Variants in DCC observed in about 807,000 individuals in gnomAD.
DCC encodes DCC netrin 1 receptor.
DCC carries 58 observed loss-of-function variants against 172.5 expected under a neutral mutation model. The observed-to-expected ratio is 0.34, with a 90% CI of 0.27 to 0.42. DCC has a LOEUF of 0.42. Among genes scored for constraint, DCC ranks in the 10% least tolerant of loss-of-function variants. The pLI is 1.00. For missense variants in DCC, 1,740 were observed against 1,791.0 expected, an observed-to-expected ratio of 0.97 and a Z score of 0.51; for synonymous variants, 709 against 644.5, an observed-to-expected ratio of 1.10 and a Z score of -1.52.
intron 15 of DCC, 84 bp downstream of exon 15, chr18:53,339,991 C>A: frequency 7.9e-7 from 1 of 1,271,314 alleles, no homozygotes; most frequent in African/African-American, 1.5e-5. Flanking sequence ...AAACTGTTCC[C>A]TGGTATGATG....
At chr18:52,969,839 A>G (rs1010712786) in intron 5 of DCC, among the ~76,000 whole-genome samples, 3 of 152,100 alleles carry the variant, frequency 2.0e-5, no homozygotes, top group South Asian at 2.1e-4. Flanking sequence ...AAGACATATG[A>G]CTGGTTTCAT....
At chr18:52,773,400 T>C (rs1383578922) in intron 2 of DCC, among the ~76,000 whole-genome samples, 2 of 152,236 alleles carry the variant, frequency 1.3e-5, no homozygotes, top group African/African-American at 4.8e-5. Context: ...TTCAAGATGA[T>C]GTATTCACCA....
At chr18:53,425,355 C>CTTT (rs1338640000) in intron 21 of DCC, among the ~76,000 whole-genome samples, 1 of 86,490 alleles carries the variant, frequency 1.2e-5, no homozygotes, top group African/African-American at 3.5e-5. Flanking sequence ...CGTTTCTCCT[C>CTTT]TCTTTTTTTT....
rs1555682869 is a variant in DCC at position 52,927,168 on chromosome 18, T to TATATGTGTATATATGTGTATATAC, written c.985+1798_985+1799insATATGTGTATATATGTGTATATAC. On this transcript the variant is annotated intron_variant, in intron 5 of 28. Coordinates refer to ENST00000442544, the MANE Select transcript of DCC (RefSeq NM_005215.4). ...ATATGTGTATATATACGTATATATG[T>TATATGTGTATATATGTGTATATAC]GTATATATGTGTATATATACGTATA... is the stretch of plus-strand genomic sequence containing the variant. Among the ~76,000 whole-genome samples the TATATGTGTATATATGTGTATATAC allele has an allele frequency of 1.6e-4, 13 of 82,452 alleles. 2 individuals are homozygous for TATATGTGTATATATGTGTATATAC. Among genetic ancestry groups the TATATGTGTATATATGTGTATATAC allele is most frequent in the African/African-American group, 4.2e-4 (9 of 21,416 alleles). The allele number at this position is 82,452 out of a possible 152,430, so 54.1% of individuals were successfully genotyped here. A position where few individuals can be genotyped will look rare whatever the true frequency, so the allele number is the denominator to read the frequency against.
intron 27 of DCC, among the ~76,000 whole-genome samples, chr18:53,521,518 GAT>G (rs1367081075): frequency 1.3e-5 from 2 of 152,098 alleles, no homozygotes; most frequent in Non-Finnish European, 2.9e-5. Flanking sequence ...AAAAAATTGT[GAT>G]GAAGTACATG....
chr18:52,972,677 A>G (rs961611521), intron 5 of DCC, among the ~76,000 whole-genome samples: 3 of 152,206 alleles, frequency 2.0e-5, no homozygotes, highest in Non-Finnish European at 4.4e-5. Context: ...TGCCTTATCT[A>G]CACTTTCCTC....
chr18:52,554,252 G>A (rs2032851524), intron 1 of DCC, among the ~76,000 whole-genome samples: 1 of 152,016 alleles, frequency 6.6e-6, no homozygotes, highest in Non-Finnish European at 1.5e-5. Flanking sequence ...CCCAAAGGAT[G>A]GGATTAATGA....
intron 15 of DCC, among the ~76,000 whole-genome samples, chr18:53,375,482 T>C (rs1210956568): frequency 6.6e-6 from 1 of 152,178 alleles, no homozygotes; most frequent in Non-Finnish European, 1.5e-5. Context: ...GTTCTCTTTA[T>C]GCTAAAGAGT....
intron 5 of DCC, among the ~76,000 whole-genome samples, chr18:53,053,082 G>A (rs1196447495): frequency 1.3e-5 from 2 of 152,272 alleles, no homozygotes; most frequent in Admixed American, 6.5e-5. Flanking sequence ...GGTGGAGGTT[G>A]TAGTGAGCCG....
At chr18:52,622,967 A>G (rs905150879) in intron 1 of DCC, among the ~76,000 whole-genome samples, 6 of 152,216 alleles carry the variant, frequency 3.9e-5, no homozygotes, top group African/African-American at 1.2e-4. Flanking sequence ...AGTTCAAACT[A>G]AAACATAGGG....
rs1165408536 is a variant in DCC, at chr18:53,428,176, TAATATATAATATAG to T, written c.3164-6955_3164-6942del. 3.9e-5 allele frequency among the ~76,000 whole-genome samples: 2 copies of T among 51,582 alleles called. 1 individual carries two copies. The highest frequency in any genetic ancestry group is 8.5e-5 in the Non-Finnish European group (2 of 23,666). The allele number at this position is 51,582 out of a possible 152,430, so 33.8% of individuals were successfully genotyped here. A position where few individuals can be genotyped will look rare whatever the true frequency, so the allele number is the denominator to read the frequency against. On this transcript the variant is annotated intron_variant, in intron 21 of 28. Coordinates refer to ENST00000442544, the MANE Select transcript of DCC (RefSeq NM_005215.4). The stretch of plus-strand genomic sequence containing the variant: ...ATATAATATAATAATATATAATATG[TAATATATAATATAG>T]AATATATAATATTATATATAAGTAT...
intron 25 of DCC, among the ~76,000 whole-genome samples, chr18:53,477,272 G>T (rs1262364773): frequency 6.6e-6 from 1 of 152,168 alleles, no homozygotes; most frequent in Admixed American, 6.6e-5. Flanking sequence ...GCCTCCCAAA[G>T]TGTTGGGAGT....
Position 52,906,462 on chromosome 18 carries a change from T to TA in DCC, c.697+134_697+135insA, listed in dbSNP as rs2039883567. On this transcript the variant is annotated intron_variant, in intron 3 of 28. Transcript: ENST00000442544. ...CATTGCGTTTTGTTTATTATTTCTTTCTTCCTTGCCGAAGCATTCAATCAG... is the reference window on the plus strand; with the variant it reads ...CATTGCGTTTTGTTTATTATTTCTTTACTTCCTTGCCGAAGCATTCAATCAG... 3 of 990,214 alleles carry TA rather than the reference T, an allele frequency of 3.0e-6. No homozygotes were observed. The Admixed American group carries it at 6.5e-5, about 22-fold the overall frequency. The allele number at this position is 990,214 out of a possible 1,614,324, so 61.3% of individuals were successfully genotyped here. A position where few individuals can be genotyped will look rare whatever the true frequency, so the allele number is the denominator to read the frequency against.
At position 53,022,764 on chromosome 18, in the gene DCC, T is replaced by C. The variant is rs147056995; in HGVS notation, c.986-40541T>C. Among the ~76,000 whole-genome samples the C allele has an allele frequency of 1.6e-3, 239 of 152,186 alleles. 1 individual carries two copies. The highest frequency in any genetic ancestry group is 2.8e-3 in the Admixed American group (43 of 15,270). ...AAGCATCAATACACTGGATACTTCT[T>C]GATAAGCCTTTCTTTTCTGGGTGAC... On this transcript the variant is annotated intron_variant, in intron 5 of 28. Transcript: ENST00000442544.
intron 2 of DCC, among the ~76,000 whole-genome samples, chr18:52,891,045 A>G (rs1465046524): frequency 6.6e-6 from 1 of 152,128 alleles, no homozygotes; most frequent in African/African-American, 2.4e-5. Context: ...TGTAAAATTA[A>G]TAAGAAGGCT....
At chr18:53,210,853 G>A (rs2055740031) in intron 11 of DCC, among the ~76,000 whole-genome samples, 1 of 151,436 alleles carries the variant, frequency 6.6e-6, no homozygotes, top group South Asian at 2.1e-4. Flanking sequence ...GTCCAGATGA[G>A]CTGTCATCTC....
chr18:52,460,511 T>G (rs1458546487), intron 1 of DCC, among the ~76,000 whole-genome samples: 5 of 152,296 alleles, frequency 3.3e-5, no homozygotes, highest in Non-Finnish European at 4.4e-5. Flanking sequence ...TCTAACATAA[T>G]GTAGTCATAT....
At chr18:52,958,625 C>T (rs938145151) in intron 5 of DCC, among the ~76,000 whole-genome samples, 2 of 151,798 alleles carry the variant, frequency 1.3e-5, no homozygotes, top group Non-Finnish European at 2.9e-5. Flanking sequence ...AATGGAGACA[C>T]GGAAACACAT....
At chr18:53,314,539 A>T (rs997194882) in intron 13 of DCC, among the ~76,000 whole-genome samples, 7 of 152,192 alleles carry the variant, frequency 4.6e-5, no homozygotes, top group Admixed American at 4.6e-4. Flanking sequence ...TCATCCAACA[A>T]AAGTATTCCT....
Sources: allele counts gnomAD v4.1 joint callset (sites outside exome capture counted in the v4.1 genomes callset), GRCh38; gene constraint gnomAD v4.1.1; transcripts MANE v1.5; gene names NCBI Gene and HGNC (gene_info 2026-07-23, HGNC 2026-07-21).